The following KCTD2 variants were observed in gnomAD, a reference collection of about 807,000 sequenced individuals.
KCTD2 encodes the protein BTB/POZ domain-containing protein KCTD2.
In KCTD2, 18 loss-of-function variants were observed where a neutral mutation model predicts 27.9. The observed-to-expected ratio is 0.64, with a 90% CI of 0.45 to 0.96. The LOEUF is 0.96. Among genes scored for constraint, KCTD2 ranks in the 40% least tolerant of loss-of-function variants. The pLI is 0.00. For synonymous variants in KCTD2, 175 were observed against 148.4 expected, an observed-to-expected ratio of 1.18 and a Z score of -1.30; for missense variants, 280 against 348.0, an observed-to-expected ratio of 0.80 and a Z score of 1.56.
chr17:75,056,195 T>C (rs2073348581), intron 3 of KCTD2, among the ~76,000 whole-genome samples: 1 of 152,232 alleles, frequency 6.6e-6, no homozygotes, highest in Non-Finnish European at 1.5e-5. Flanking sequence ...GCTCAAAGGC[T>C]CCTTTTTGAT....
intron 3 of KCTD2, among the ~76,000 whole-genome samples, chr17:75,036,418 G>A (rs1246901040): frequency 6.6e-6 from 1 of 152,212 alleles, no homozygotes; most frequent in African/African-American, 2.4e-5. Context: ...ACCGCGCCCT[G>A]CCCAATTACC....
intron 2 of KCTD2, among the ~76,000 whole-genome samples, chr17:75,050,075 C>G (rs142991058): frequency 4.7e-4 from 72 of 152,254 alleles, no homozygotes; most frequent in African/African-American, 1.7e-3. Flanking sequence ...AGGAATTGCT[C>G]TCTCTCTCTT....
intron 2 of KCTD2, among the ~76,000 whole-genome samples, chr17:75,052,329 G>A (rs906811493): frequency 2.0e-5 from 3 of 152,254 alleles, no homozygotes; most frequent in African/African-American, 7.2e-5. Context: ...GCTCATGCCT[G>A]TAATCCCAAC....
In KCTD2 at chr17:75,053,056, T is replaced by G; in HGVS notation, c.491T>G (p.Val164Gly). ...GAGTTTTACAACATCGCGTCCCTTG[T>G]GCGGCTGGTTAAGGAAAGGATACGG... is the stretch of plus-strand genomic sequence containing the variant. ...EAEFYNIASL[V>G]RLVKERIRDN... Residue 164 changes from valine to glycine, a missense_variant, in exon 3 of 6, where the codon GTG (valine) becomes GGG (glycine). Coordinates refer to ENST00000322444, the MANE Select transcript of KCTD2 (RefSeq NM_015353.3). The G allele has an allele frequency of 6.2e-7, 1 of 1,614,144 alleles. No individual in the cohort carries two copies. Among genetic ancestry groups the G allele is most frequent in the Non-Finnish European group, 8.5e-7 (1 of 1,180,012 alleles).
intron 3 of KCTD2, among the ~76,000 whole-genome samples, chr17:75,035,562 T>C (rs2040108060): frequency 6.6e-6 from 1 of 151,430 alleles, no homozygotes; most frequent in Non-Finnish European, 1.5e-5. Context: ...GGCTCACGCC[T>C]GTAATCCCAA....
At chr17:75,057,704 C>T (rs751394200) in intron 3 of KCTD2, among the ~76,000 whole-genome samples, 1 of 151,772 alleles carries the variant, frequency 6.6e-6, no homozygotes, top group African/African-American at 2.4e-5. Flanking sequence ...GGATTACAGG[C>T]ACGTGCCACC....
At chr17:75,060,539 TTTCAC>T in intron 4 of KCTD2, 1 of 1,612,932 alleles carries the variant, frequency 6.2e-7, no homozygotes, top group Non-Finnish European at 8.5e-7. Flanking sequence ...TTGATGCCCT[TTTCAC>T]TTCTGTGTTG....
intron 3 of KCTD2, chr17:75,039,464 T>A (rs1480419602): frequency 1.8e-6 from 1 of 571,242 alleles, no homozygotes; most frequent in African/African-American, 1.9e-5. Flanking sequence ...GAAGCCCATA[T>A]GGAAAACCAG....
intron 2 of KCTD2, among the ~76,000 whole-genome samples, chr17:75,051,043 G>A (rs776757246): frequency 1.4e-4 from 20 of 144,742 alleles, no homozygotes; most frequent in Non-Finnish European, 2.3e-4. Flanking sequence ...GCGCAATCTC[G>A]GCTCACTGCA....
intron 4 of KCTD2, among the ~76,000 whole-genome samples, chr17:75,060,159 A>G (rs1000523350): frequency 6.6e-6 from 1 of 152,136 alleles, no homozygotes; most frequent in African/African-American, 2.4e-5. Context: ...GTTCTCCTCC[A>G]TTAGATGGCA....
intron 5 of KCTD2, among the ~76,000 whole-genome samples, chr17:75,062,699 AACACACACACACACACACACACAC>A (rs10533801): frequency 2.6e-5 from 3 of 116,072 alleles, no homozygotes; most frequent in African/African-American, 9.3e-5. Flanking sequence ...CCTCACCCCC[AACACACACACACACACACACACAC>A]ACACACACAC....
intron 1 of KCTD2, 56 bp downstream of exon 1, chr17:75,047,645 G>C (rs2073239981): frequency 5.8e-6 from 9 of 1,542,420 alleles, no homozygotes; most frequent in Admixed American, 3.8e-5. Flanking sequence ...GTTTCTCGTA[G>C]ATCGGTCCCC....
In KCTD2 at chr17:75,063,118, C is replaced by CTCCTG. The variant is rs2073421632; in HGVS notation, c.*75_*79dup. The CTCCTG allele has an allele frequency of 6.2e-6, 9 of 1,441,042 alleles. No individual in the cohort carries two copies. The highest frequency in any genetic ancestry group is 3.4e-5 in the Admixed American group (2 of 58,034). 89.3% of individuals were successfully genotyped at this position (1,441,042 alleles called of 1,614,324 possible). On this transcript the variant is annotated 3_prime_UTR_variant, in exon 6 of 6. Coordinates refer to ENST00000322444, the MANE Select transcript of KCTD2 (RefSeq NM_015353.3). Reference sequence around the variant, plus strand: ...AGCCCCTCTGTGAAGTGAAACCTCACTCCTGTCCAGTGACCGAGCCACTGC... The same window carrying CTCCTG: ...AGCCCCTCTGTGAAGTGAAACCTCACTCCTGTCCTGTCCAGTGACCGAGCCACTGC...
chr17:75,065,369 C>G lies in KCTD2; in HGVS notation c.*2322C>G, dbSNP rs916936902. 7.9e-5 allele frequency: 12 copies of G among 152,364 alleles called. No homozygotes were observed. The highest frequency in any genetic ancestry group is 5.2e-4 in the Admixed American group (8 of 15,294). The allele number at this position is 152,364 out of a possible 1,614,324, so 9.4% of individuals were successfully genotyped here. A position where few individuals can be genotyped will look rare whatever the true frequency, so the allele number is the denominator to read the frequency against. On this transcript the variant is annotated 3_prime_UTR_variant, in exon 6 of 6. Transcript: ENST00000322444. ...TGTTCTTGCTTGAAAGCGTTGTGCC[C>G]TCTGAGTGTCTGGCTGATCACATCA...
At chr17:75,059,652 C>A in intron 4 of KCTD2, 47 bp downstream of exon 4, 1 of 1,435,578 alleles carries the variant, frequency 7.0e-7, no homozygotes, top group Non-Finnish European at 9.8e-7. Context: ...TTCAAGGGGT[C>A]TGCAGCTCTT....
intron 3 of KCTD2, among the ~76,000 whole-genome samples, chr17:75,056,613 T>C (rs1365349514): frequency 1.3e-5 from 2 of 152,230 alleles, no homozygotes; most frequent in Admixed American, 1.3e-4. Context: ...CTTTTTGATG[T>C]TAACTATCTT....
chr17:75,035,299 G>A (rs933203900), exon 3 of KCTD2: 4 of 152,078 alleles, frequency 2.6e-5, no homozygotes, highest in African/African-American at 9.7e-5. Context: ...AGCTGCTTCT[G>A]TCCAATCAGG....
chr17:75,033,696 G>T (rs1043799175), intron 1 of KCTD2, among the ~76,000 whole-genome samples: 3 of 152,230 alleles, frequency 2.0e-5, no homozygotes, highest in Admixed American at 2.0e-4. Flanking sequence ...GGCTCCATGG[G>T]GCGTCCCAGT....
chr17:75,043,473 C>T (rs994077136), upstream of KCTD2, among the ~76,000 whole-genome samples: 1 of 151,996 alleles, frequency 6.6e-6, no homozygotes, highest in African/African-American at 2.4e-5. Flanking sequence ...ATTAGCCGGG[C>T]GTGATGGCAT....
Sources: allele counts gnomAD v4.1 joint callset (sites outside exome capture counted in the v4.1 genomes callset), GRCh38; gene constraint gnomAD v4.1.1; transcripts MANE v1.5; gene names NCBI Gene and HGNC (gene_info 2026-07-23, HGNC 2026-07-21).